Variants in USP9Y observed in about 807,000 individuals in gnomAD.
USP9Y encodes the protein ubiquitin specific peptidase 9 Y-linked.
Under a neutral mutation model 53.1 loss-of-function variants are expected in USP9Y, and 41 were observed. The observed-to-expected ratio is 0.77, with a 90% CI of 0.60 to 1.00. The LOEUF (loss-of-function observed/expected upper bound fraction) is 1.00, where lower values mean the gene tolerates loss of function less well. Among genes scored for constraint, USP9Y ranks in the 50% least tolerant of loss-of-function variants. USP9Y has a pLI of 0.00. For missense variants in USP9Y, 567 were observed against 535.8 expected, an observed-to-expected ratio of 1.06 and a Z score of -0.58; for synonymous variants, 220 against 173.7, an observed-to-expected ratio of 1.27 and a Z score of -2.09.
intron 14 of USP9Y, among the ~76,000 whole-genome samples, chrY:12,760,203 A>C (rs768097822): frequency 2.9e-5 from 1 of 34,033 alleles, no homozygotes; most frequent in South Asian, 6.5e-4. Flanking sequence ...ATGTACCTGG[A>C]TGTCTGATAT....
chrY:12,774,587 T>A, intron 17 of USP9Y, among the ~76,000 whole-genome samples: 1 of 33,260 alleles, frequency 3.0e-5, no homozygotes, highest in Non-Finnish European at 7.4e-5. Flanking sequence ...TTGAAGTTTA[T>A]ATGTATTTGA....
At chrY:12,710,363 T>G in intron 3 of USP9Y, among the ~76,000 whole-genome samples, 1 of 33,660 alleles carries the variant, frequency 3.0e-5, no homozygotes, top group Non-Finnish European at 7.4e-5. Context: ...GTAATTTGCC[T>G]TTACTTTTTC....
chrY:12,835,442 C>T, intron 34 of USP9Y, among the ~76,000 whole-genome samples: 1 of 33,568 alleles, frequency 3.0e-5, no homozygotes. Context: ...TCAAAAGCAA[C>T]TTGCATAAGT....
chrY:12,749,209 T>C, intron 12 of USP9Y, among the ~76,000 whole-genome samples: 1 of 33,108 alleles, frequency 3.0e-5, no homozygotes, highest in African/African-American at 1.2e-4. Context: ...GTGAGTGAAA[T>C]TGGGGCTTTC....
chrY:12,766,495 G>T, intron 15 of USP9Y, among the ~76,000 whole-genome samples: 1 of 33,542 alleles, frequency 3.0e-5, no homozygotes, highest in Non-Finnish European at 7.4e-5. Flanking sequence ...CCAGAGAAAG[G>T]GTTCTTCTAC....
intron 6 of USP9Y, among the ~76,000 whole-genome samples, chrY:12,725,570 G>A: frequency 6.0e-5 from 2 of 33,462 alleles, no homozygotes; most frequent in African/African-American, 1.2e-4. Flanking sequence ...GATAACAAAG[G>A]ATATAATTTC....
Position 12,856,676 on chromosome Y carries a change from G to C in USP9Y, c.7265G>C (p.Trp2422Ser). ...AGAAAATGGACCTGGGCAGTGGAATGGCTAGGAGATGAACTTGAAAGAAGA... is the reference window on the plus strand; with the variant it reads ...AGAAAATGGACCTGGGCAGTGGAATCGCTAGGAGATGAACTTGAAAGAAGA... ...LKRKWTWAVE[W>S]LGDELERRPY... The change falls in exon 44 of 46, where the codon TGG becomes TCG. Residue 2422 changes from tryptophan to serine, a missense_variant. Coordinates refer to ENST00000338981, the MANE Select transcript of USP9Y (RefSeq NM_004654.4). 1 of 396,056 alleles carries C rather than the reference G, an allele frequency of 2.5e-6. No homozygotes were observed. The highest frequency in any genetic ancestry group is 6.4e-5 in the African/African-American group (1 of 15,561).
chrY:12,768,418 C>T, intron 15 of USP9Y, among the ~76,000 whole-genome samples: 1 of 29,446 alleles, frequency 3.4e-5, no homozygotes, highest in Admixed American at 3.1e-4. Context: ...AAGCAGTTCT[C>T]CTGCCTCAGC....
At chrY:12,784,590 C>A (rs758416560) in intron 22 of USP9Y, among the ~76,000 whole-genome samples, 2 of 33,219 alleles carry the variant, frequency 6.0e-5, no homozygotes, top group Non-Finnish European at 1.5e-4. Context: ...TTTGCATGGT[C>A]GCCCCTGTCC....
chrY:12,752,295 T>C (rs2053464874), intron 12 of USP9Y, among the ~76,000 whole-genome samples: 1 of 33,373 alleles, frequency 3.0e-5, no homozygotes, highest in Non-Finnish European at 7.4e-5. Flanking sequence ...ACAAACCTTA[T>C]ACATGTTTGG....
At chrY:12,800,095 G>T in intron 27 of USP9Y, among the ~76,000 whole-genome samples, 1 of 33,426 alleles carries the variant, frequency 3.0e-5, no homozygotes, top group Admixed American at 2.7e-4. Context: ...CTGATCCAGG[G>T]AGGCGCCCAT....
Position 12,859,466 on chromosome Y carries a change from G to A in USP9Y, c.*50G>A. On this transcript the variant is annotated 3_prime_UTR_variant, in exon 46 of 46. Coordinates refer to ENST00000338981, the MANE Select transcript of USP9Y (RefSeq NM_004654.4). ...TATGACTATGCACTAAGGTCTTATA[G>A]TCCAAACTTTCTCTGTGTCTGGCTA... 2.6e-6 allele frequency: 1 copy of A among 385,323 alleles called. No homozygotes were observed. Among genetic ancestry groups the A allele is most frequent in the Non-Finnish European group, 3.7e-6 (1 of 272,070 alleles).
chrY:12,846,535 C>T lies in USP9Y; in HGVS notation c.6754+17C>T. On this transcript the variant is annotated intron_variant, in intron 40 of 45. Transcript: ENST00000338981. Reference sequence around the variant, plus strand: ...CAATCAATGGTAAAGTAGCATGTTCCATTTCTTTTACAGCAGTTTAAAAAT... The same window carrying T: ...CAATCAATGGTAAAGTAGCATGTTCTATTTCTTTTACAGCAGTTTAAAAAT... The T allele has an allele frequency of 2.6e-6, 1 of 390,364 alleles. No individual in the cohort carries two copies. The highest frequency in any genetic ancestry group is 7.4e-5 in the Admixed American group (1 of 13,426).
rs1366990002 is a variant in USP9Y, at chrY:12,735,562, C to CT, written c.658-43dup. ...CACACAAATGCGTTTCAAATAGTAA[C>CT]TTTTTTTCTGAAAGGGGGGAATTAA... On this transcript the variant is annotated intron_variant, in intron 7 of 45. Coordinates refer to ENST00000338981, the MANE Select transcript of USP9Y (RefSeq NM_004654.4). The CT allele has an allele frequency of 2.6e-5, 7 of 269,498 alleles. No homozygotes were observed. In the Admixed American group the frequency reaches 3.8e-4, roughly 15 times the overall value. 67.2% of individuals were successfully genotyped at this position (269,498 alleles called of 400,897 possible).
chrY:12,726,550 G>A, intron 6 of USP9Y, 25 bp from the exon 7 acceptor site: 1 of 339,211 alleles, frequency 2.9e-6, no homozygotes, highest in Non-Finnish European at 4.4e-6. Flanking sequence ...ATTATAAACT[G>A]TATCATATCC....
intron 33 of USP9Y, among the ~76,000 whole-genome samples, chrY:12,826,357 C>T: frequency 9.6e-5 from 3 of 31,225 alleles, no homozygotes; most frequent in Non-Finnish European, 1.6e-4. Flanking sequence ...CCAAGGTGCG[C>T]GGATCACTTG....
At chrY:12,786,868 T>C in intron 24 of USP9Y, 68 bp downstream of exon 24, 5 of 212,200 alleles carry the variant, frequency 2.4e-5, no homozygotes, top group Non-Finnish European at 3.6e-5. Flanking sequence ...AACTCTGTAA[T>C]AATTATTAAT....
intron 6 of USP9Y, 103 bp downstream of exon 6, chrY:12,725,328 C>G: frequency 5.6e-6 from 1 of 179,445 alleles, no homozygotes; most frequent in Non-Finnish European, 1.0e-5. Context: ...CATATCAAGT[C>G]TGCTGATATA....
intron 12 of USP9Y, among the ~76,000 whole-genome samples, chrY:12,748,048 G>A: frequency 6.0e-5 from 2 of 33,078 alleles, no homozygotes; most frequent in African/African-American, 2.4e-4. Flanking sequence ...CCAGCTACTC[G>A]AGAAGCTGAG....
Sources: allele counts gnomAD v4.1 joint callset (sites outside exome capture counted in the v4.1 genomes callset), GRCh38; gene constraint gnomAD v4.1.1; transcripts MANE v1.5; gene names NCBI Gene and HGNC (gene_info 2026-07-23, HGNC 2026-07-21).